FAM184A: variants seen among roughly 807,000 people sequenced by gnomAD.
The protein encoded by FAM184A is protein FAM184A.
A neutral mutation model predicts 143.8 loss-of-function variants in FAM184A; 99 were observed. The observed-to-expected ratio is 0.69, with a 90% CI of 0.58 to 0.81. The LOEUF (loss-of-function observed/expected upper bound fraction) is 0.81. Among genes scored for constraint, FAM184A ranks in the 40% least tolerant of loss-of-function variants. The pLI is 0.00. For missense variants in FAM184A, 1,217 were observed against 1,310.5 expected (o/e 0.93, Z 1.10); for synonymous variants, 427 against 446.4 (o/e 0.96, Z 0.55).
At chr6:118,960,677 T>C in intron 17 of FAM184A, 1 of 515,918 alleles carries the variant, frequency 1.9e-6, no homozygotes, top group South Asian at 2.0e-5. Flanking sequence ...AAAAATATAA[T>C]TTCCCCCGTT....
chr6:118,966,975 C>T (rs768432463), intron 14 of FAM184A, 23 bp from the exon 15 acceptor site: 23 of 1,149,328 alleles, frequency 2.0e-5, no homozygotes, highest in Non-Finnish European at 2.8e-5. Context: ...AAGACTTTAG[C>T]TCATTGATAT....
chr6:119,017,306 G>C (rs186675858), intron 4 of FAM184A, among the ~76,000 whole-genome samples: 2 of 152,284 alleles, frequency 1.3e-5, no homozygotes, highest in Non-Finnish European at 2.9e-5. Context: ...AGACCATCCT[G>C]GCTAACACGG....
chr6:119,047,798 A>T (rs1482922737), intron 1 of FAM184A, among the ~76,000 whole-genome samples: 2 of 152,202 alleles, frequency 1.3e-5, no homozygotes, highest in African/African-American at 4.8e-5. Context: ...TACCAGATAT[A>T]AAACAAAGAG....
chr6:118,972,916 A>C (rs924386331), intron 14 of FAM184A, among the ~76,000 whole-genome samples: 1 of 152,176 alleles, frequency 6.6e-6, no homozygotes, highest in African/African-American at 2.4e-5. Context: ...TGGGGTTATG[A>C]GCTGTTATAC....
At chr6:119,041,022 T>C (rs1786308516) in intron 1 of FAM184A, among the ~76,000 whole-genome samples, 1 of 152,190 alleles carries the variant, frequency 6.6e-6, no homozygotes. Context: ...TTAGCTCCCA[T>C]TTCTTGAACT....
At chr6:119,061,186 C>T (rs17513308) in intron 1 of FAM184A, among the ~76,000 whole-genome samples, 63,161 of 151,904 alleles carry the variant, frequency 0.42, 14,969 homozygotes, top group East Asian at 0.75. Context: ...GCTAGTTGGC[C>T]TAAACCTCAA....
intron 1 of FAM184A, among the ~76,000 whole-genome samples, chr6:119,058,349 C>T (rs12195153): frequency 0.042 from 6,412 of 151,746 alleles, 241 homozygotes; most frequent in East Asian, 0.2. Flanking sequence ...TACAGGTGTG[C>T]GCCACCACAT....
intron 9 of FAM184A, among the ~76,000 whole-genome samples, chr6:118,982,397 T>C (rs35795136): frequency 0.099 from 15,005 of 152,212 alleles, 848 homozygotes; most frequent in South Asian, 0.15. Context: ...TGAGGATAAC[T>C]TGTTGAAATG....
chr6:119,125,863 G>C (rs909392691), intron 1 of FAM184A, among the ~76,000 whole-genome samples: 1 of 152,194 alleles, frequency 6.6e-6, no homozygotes, highest in Admixed American at 6.5e-5. Context: ...GCCACTCAGA[G>C]TTGTAAAATT....
chr6:119,081,373 C>T (rs975209063), upstream of FAM184A, among the ~76,000 whole-genome samples: 1 of 152,138 alleles, frequency 6.6e-6, no homozygotes, highest in Non-Finnish European at 1.5e-5. Context: ...TTCTTTAGTG[C>T]CCCGCTGCTC....
rs755680011 is a variant in FAM184A at position 118,980,175 on chromosome 6, A to C, written c.2264T>G (p.Phe755Cys). The C allele has an allele frequency of 6.2e-7, 1 of 1,614,186 alleles. No homozygotes were observed. The highest frequency in any genetic ancestry group is 2.2e-5 in the East Asian group (1 of 44,884). Residue 755 changes from phenylalanine (F) to cysteine (C), a missense_variant, in exon 10 of 18, where the codon TTT becomes TGT. Coordinates refer to ENST00000338891, the MANE Select transcript of FAM184A (RefSeq NM_024581.6). ...TTCCTTTTCCTCTTCCATAGTTTGAAATGCAAGGACATGTGCTTCTTTTAA... is the reference window on the plus strand; with the variant it reads ...TTCCTTTTCCTCTTCCATAGTTTGACATGCAAGGACATGTGCTTCTTTTAA... ...KSLKEAHVLA[F>C]QTMEEEKEKE...
chr6:119,101,322 T>G (rs1269032632), intron 1 of FAM184A, among the ~76,000 whole-genome samples: 1 of 152,086 alleles, frequency 6.6e-6, no homozygotes, highest in African/African-American at 2.4e-5. Flanking sequence ...TCCGCCCGCC[T>G]CGGCCTCCCA....
At chr6:119,060,220 T>C (rs1787176022) in intron 1 of FAM184A, among the ~76,000 whole-genome samples, 1 of 152,224 alleles carries the variant, frequency 6.6e-6, no homozygotes, top group Admixed American at 6.5e-5. Context: ...ATTCTTTCCC[T>C]CCTAGTATCA....
intron 1 of FAM184A, among the ~76,000 whole-genome samples, chr6:119,111,423 C>T (rs953309100): frequency 2.0e-5 from 3 of 152,092 alleles, no homozygotes; most frequent in African/African-American, 7.2e-5. Context: ...AGATGAAAAA[C>T]GGCTGGACGT....
intron 1 of FAM184A, among the ~76,000 whole-genome samples, chr6:119,043,691 G>C (rs141423541): frequency 5.3e-5 from 8 of 152,134 alleles, no homozygotes; most frequent in Non-Finnish European, 7.4e-5. Context: ...TGGGGAAAGA[G>C]AAAAAAAGAA....
At chr6:119,047,285 T>C (rs574441719) in intron 1 of FAM184A, among the ~76,000 whole-genome samples, 1 of 152,272 alleles carries the variant, frequency 6.6e-6, no homozygotes, top group Non-Finnish European at 1.5e-5. Flanking sequence ...TGGATGGGAA[T>C]GTAAATGAGT....
At chr6:119,008,957 CCTT>C (rs773098385) in intron 6 of FAM184A, among the ~76,000 whole-genome samples, 7 of 152,168 alleles carry the variant, frequency 4.6e-5, no homozygotes, top group Non-Finnish European at 1.0e-4. Context: ...GCATGGCATC[CCTT>C]CTTCTTGGTC....
Position 119,096,616 on chromosome 6 carries a change from C to T in FAM184A, c.-202+52462G>A, listed in dbSNP as rs569272427. Among the ~76,000 whole-genome samples the T allele has an allele frequency of 7.4e-5, 2 of 26,872 alleles. 1 individual carries two copies. Among genetic ancestry groups the T allele is most frequent in the East Asian group, 0.01 (2 of 200 alleles). 17.6% of individuals were successfully genotyped at this position (26,872 alleles called of 152,430 possible). ...GCGCCACTGCAGTCCGCAGTCCGGC[C>T]TGGGCGACAGAGCGAGACTCCATCT... On this transcript the variant is annotated intron_variant, in intron 1 of 16. Transcript: ENST00000352896.
At chr6:119,108,766 G>A (rs900612487) in intron 1 of FAM184A, among the ~76,000 whole-genome samples, 2 of 152,090 alleles carry the variant, frequency 1.3e-5, no homozygotes, top group African/African-American at 4.8e-5. Context: ...TACAAGCTTG[G>A]GTACCTGGGA....
Sources: gnomAD v4.1 joint callset for allele counts (sites outside exome capture counted in the v4.1 genomes callset) on GRCh38, gnomAD v4.1.1 for gene constraint, MANE v1.5 for transcripts, NCBI Gene and HGNC (gene_info 2026-07-23, HGNC 2026-07-21) for gene names.